The following PDSS2 variants were observed in gnomAD, a reference collection of about 807,000 sequenced individuals.
PDSS2 encodes the protein decaprenyl diphosphate synthase subunit 2.
PDSS2 carries 31 observed loss-of-function variants against 44.5 expected under a neutral mutation model. The observed-to-expected ratio is 0.70, with a 90% confidence interval of 0.52 to 0.94. The LOEUF (loss-of-function observed/expected upper bound fraction) is 0.94, where lower values mean the gene tolerates loss of function less well. Ranked by LOEUF, PDSS2 falls within the 40% of genes least tolerant of loss-of-function variation. PDSS2 has a pLI of 0.00. For missense variants in PDSS2, 452 were observed against 482.2 expected (o/e 0.94, Z 0.59); for synonymous variants, 157 against 180.3 (o/e 0.87, Z 1.03).
chr6:107,447,526 T>C (rs1458069260), intron 1 of PDSS2, among the ~76,000 whole-genome samples: 1 of 152,124 alleles, frequency 6.6e-6, no homozygotes, highest in Non-Finnish European at 1.5e-5. Context: ...CAAAATGATC[T>C]CCTTTGATTC....
chr6:107,261,903 T>C (rs1194052435), intron 3 of PDSS2, among the ~76,000 whole-genome samples: 8 of 82,748 alleles, frequency 9.7e-5, no homozygotes, highest in African/African-American at 3.4e-4. Flanking sequence ...CTTTTCTTTC[T>C]TTTCTTTTTT....
chr6:107,399,951 C>G (rs1780057467), intron 1 of PDSS2, among the ~76,000 whole-genome samples: 1 of 151,980 alleles, frequency 6.6e-6, no homozygotes, highest in Non-Finnish European at 1.5e-5. Context: ...AGAAGGAACA[C>G]AGGAGCTTAA....
intron 1 of PDSS2, among the ~76,000 whole-genome samples, chr6:107,353,036 T>A (rs1254370962): frequency 6.6e-6 from 1 of 152,248 alleles, no homozygotes; most frequent in Non-Finnish European, 1.5e-5. Flanking sequence ...CACTAGTTAT[T>A]ACTATTATCA....
chr6:107,395,624 TTTCTC>T (rs1291133209), intron 1 of PDSS2, among the ~76,000 whole-genome samples: 1 of 152,194 alleles, frequency 6.6e-6, no homozygotes, highest in Non-Finnish European at 1.5e-5. Context: ...ATATTTTCCA[TTTCTC>T]TACTTATGTT....
intron 2 of PDSS2, among the ~76,000 whole-genome samples, chr6:107,274,667 C>CTTT (rs5878910): frequency 7.5e-4 from 80 of 106,550 alleles, no homozygotes; most frequent in Non-Finnish European, 8.1e-4. Flanking sequence ...ATCTCTCTCT[C>CTTT]TTTTTTTTTT....
Position 107,153,433 on chromosome 6 carries a change from G to T in PDSS2, c.*1186C>A, listed in dbSNP as rs1408475924. ...TCAAGACCAAAATTTGACATTCTGA[G>T]GTTAAAAGAACACTCTCACCAATGA... On this transcript the variant is annotated 3_prime_UTR_variant, in exon 8 of 8. Transcript: ENST00000369037. 6.6e-6 allele frequency: 1 copy of T among 152,474 alleles called. No individual in the cohort carries two copies. The highest frequency in any genetic ancestry group is 2.4e-5 in the African/African-American group (1 of 41,406). The allele number at this position is 152,474 out of a possible 1,614,324, so 9.4% of individuals were successfully genotyped here. A position where few individuals can be genotyped will look rare whatever the true frequency, so the allele number is the denominator to read the frequency against.
intron 6 of PDSS2, among the ~76,000 whole-genome samples, chr6:107,201,006 A>G (rs1772750599): frequency 6.6e-6 from 1 of 152,060 alleles, no homozygotes; most frequent in Non-Finnish European, 1.5e-5. Context: ...CAGGGGCCCA[A>G]AATAGGCTGA....
In PDSS2 at chr6:107,225,135, T is replaced by TTATATATATATATATATATATA. The variant is rs1554256022; in HGVS notation, c.703-12854_703-12853insTATATATATATATATATATATA. Among the ~76,000 whole-genome samples, 39 of 36,476 alleles carry TTATATATATATATATATATATA rather than the reference T, an allele frequency of 1.1e-3. 2 individuals carry two copies. The highest frequency in any genetic ancestry group is 8.5e-3 in the Middle Eastern group (1 of 118). 23.9% of individuals were successfully genotyped at this position (36,476 alleles called of 152,430 possible). On this transcript the variant is annotated intron_variant, in intron 4 of 7. Transcript: ENST00000369037. ...GAAGGAAGCTTCACTATATATATAT[T>TTATATATATATATATATATATA]TTTATATATATATATATATATATAT... is the stretch of plus-strand genomic sequence containing the variant.
intron 7 of PDSS2, among the ~76,000 whole-genome samples, chr6:107,173,935 T>C (rs1259630899): frequency 2.6e-5 from 4 of 152,214 alleles, no homozygotes; most frequent in Non-Finnish European, 4.4e-5. Context: ...GAATCTTTAA[T>C]AACCACAGTC....
chr6:107,325,375 A>G (rs1777505434), intron 2 of PDSS2, among the ~76,000 whole-genome samples: 1 of 152,200 alleles, frequency 6.6e-6, no homozygotes, highest in African/African-American at 2.4e-5. Context: ...TTTAAGTTGC[A>G]TCATGGTAAG....
chr6:107,268,315 C>T (rs966659114), intron 3 of PDSS2, among the ~76,000 whole-genome samples: 9 of 151,848 alleles, frequency 5.9e-5, no homozygotes, highest in South Asian at 2.1e-4. Context: ...TAAAAAGAAG[C>T]GCTGAAACAA....
intron 4 of PDSS2, among the ~76,000 whole-genome samples, chr6:107,238,031 G>C (rs1029675824): frequency 6.6e-6 from 1 of 151,806 alleles, no homozygotes; most frequent in Non-Finnish European, 1.5e-5. Flanking sequence ...ATCCGTGCTT[G>C]AAAAAAATAG....
chr6:107,284,388 C>G (rs1173723272), intron 2 of PDSS2, among the ~76,000 whole-genome samples: 1 of 151,760 alleles, frequency 6.6e-6, no homozygotes. Flanking sequence ...TGGCTGGGCG[C>G]GGTGGCTCAC....
intron 4 of PDSS2, among the ~76,000 whole-genome samples, chr6:107,233,541 G>A (rs1344187962): frequency 6.6e-6 from 1 of 152,160 alleles, no homozygotes; most frequent in Non-Finnish European, 1.5e-5. Context: ...GCCAGGAGTG[G>A]TGGCTCATAC....
At chr6:107,333,320 G>A (rs933854992) in intron 2 of PDSS2, among the ~76,000 whole-genome samples, 1 of 152,108 alleles carries the variant, frequency 6.6e-6, no homozygotes, top group East Asian at 1.9e-4. Context: ...CTGACATACT[G>A]TTACTAAAAA....
chr6:107,303,539 C>A (rs1257924506), intron 2 of PDSS2, among the ~76,000 whole-genome samples: 1 of 152,166 alleles, frequency 6.6e-6, no homozygotes, highest in African/African-American at 2.4e-5. Context: ...AACCATGGAA[C>A]AAATGCTATG....
intron 1 of PDSS2, among the ~76,000 whole-genome samples, chr6:107,444,299 G>T (rs773105883): frequency 1.3e-5 from 2 of 152,154 alleles, no homozygotes; most frequent in Admixed American, 6.5e-5. Flanking sequence ...CCAAAGTGCT[G>T]GGATTACAGG....
rs147041928 is a variant in PDSS2 at position 107,187,761 on chromosome 6, G to A, written c.1041+6061C>T. 1.1e-4 allele frequency among the ~76,000 whole-genome samples: 17 copies of A among 152,046 alleles called. No individual in the cohort carries two copies. In the East Asian group the frequency reaches 2.3e-3, roughly 21 times the overall value. ...TCCTGTACGTCTCCTAACATAACAC[G>A]AATGTAATACTCATGCACACATGTT... On this transcript the variant is annotated intron_variant, in intron 7 of 7. Coordinates refer to ENST00000369037, the MANE Select transcript of PDSS2 (RefSeq NM_020381.4).
chr6:107,268,244 T>A (rs1775474843), intron 3 of PDSS2, among the ~76,000 whole-genome samples: 1 of 152,152 alleles, frequency 6.6e-6, no homozygotes, highest in South Asian at 2.1e-4. Context: ...ATATAACTTA[T>A]GAGAAATGTC....
Sources: allele counts gnomAD v4.1 joint callset (sites outside exome capture counted in the v4.1 genomes callset), GRCh38; gene constraint gnomAD v4.1.1; transcripts MANE v1.5; gene names NCBI Gene and HGNC (gene_info 2026-07-23, HGNC 2026-07-21).